The following NT5DC3 variants were observed in gnomAD, a reference collection of about 807,000 sequenced individuals.
NT5DC3 encodes the protein 5'-nucleotidase domain-containing protein 3.
In NT5DC3, 42 loss-of-function variants were observed where a neutral mutation model predicts 67.8. That is an observed-to-expected ratio of 0.62 (90% CI 0.48 to 0.80). NT5DC3 has a LOEUF of 0.80. Among genes scored for constraint, NT5DC3 ranks in the 30% least tolerant of loss-of-function variants. The pLI, the probability that NT5DC3 is intolerant of heterozygous loss-of-function variation, is 0.00. For synonymous variants in NT5DC3, 237 were observed against 255.6 expected, an observed-to-expected ratio of 0.93 and a Z score of 0.69; for missense variants, 570 against 696.4, an observed-to-expected ratio of 0.82 and a Z score of 2.04.
At chr12:103,749,177 G>A in the NT5DC3 span, 8 of 1,581,122 alleles carry the variant, frequency 5.1e-6, no homozygotes, top group African/African-American at 1.3e-5. Flanking sequence ...CTTTCCCAGG[G>A]AAATTTGGGA....
chr12:103,836,149 G>A (rs1888138538), intron 1 of NT5DC3, among the ~76,000 whole-genome samples: 1 of 152,132 alleles, frequency 6.6e-6, no homozygotes, highest in South Asian at 2.1e-4. Context: ...GATCTGGGTG[G>A]GGACACAGAG....
In NT5DC3 at chr12:103,815,090, C is replaced by T. The variant is rs10861107; in HGVS notation, c.240G>A (p.Leu80=). 0.2 allele frequency: 324,419 copies of T among 1,609,230 alleles called. 35,122 individuals carry two copies. Among genetic ancestry groups the T allele is most frequent in the Non-Finnish European group, 0.22 (264,178 of 1,176,924 alleles). Residue 80 remains leucine (L), a synonymous_variant, in exon 2 of 14, where the codon TTG becomes TTA. Transcript: ENST00000392876. ...ELVPSIMSNL[L]NPDAIFSNNE... is the part of the protein sequence containing the mutation. ...TGTTTGAGAAAATGGCATCTGGATT[C>T]AACAAGTTGCTCATAATGGAAGGAA... is the stretch of plus-strand genomic sequence containing the variant.
the NT5DC3 span, among the ~76,000 whole-genome samples, chr12:103,764,317 A>G: frequency 1.3e-5 from 2 of 152,198 alleles, no homozygotes; most frequent in Non-Finnish European, 2.9e-5. Flanking sequence ...TTGTTGTCAG[A>G]GCTGCTGCTT....
chr12:103,785,492 C>T lies in NT5DC3; in HGVS notation c.1189-17G>A, dbSNP rs201060291. ...GGTCAAATCCTGATCACAAAGATCA[C>T]GAAAAGTCAACGTCAGTCTCAACAG... On this transcript the variant is annotated splice_polypyrimidine_tract_variant and intron_variant, in intron 11 of 13. Coordinates refer to ENST00000392876, the MANE Select transcript of NT5DC3 (RefSeq NM_001031701.3). 2.5e-4 allele frequency: 403 copies of T among 1,613,332 alleles called. No individual in the cohort carries two copies. The highest frequency in any genetic ancestry group is 3.3e-4 in the Non-Finnish European group (388 of 1,179,548).
intron 1 of NT5DC3, among the ~76,000 whole-genome samples, chr12:103,834,523 G>C (rs770502219): frequency 1.3e-5 from 2 of 152,062 alleles, no homozygotes; most frequent in South Asian, 4.1e-4. Context: ...AAAAAAAGGA[G>C]GGTAGGTAAA....
At chr12:103,828,696 C>CTTTTTTTTTTTTTTTTTTTTTTTT (rs376961953) in intron 1 of NT5DC3, among the ~76,000 whole-genome samples, 1 of 136,352 alleles carries the variant, frequency 7.3e-6, no homozygotes. Context: ...TTTTTTCTTT[C>CTTTTTTTTTTTTTTTTTTTTTTTT]TTTTTATTTT....
At chr12:103,836,320 G>A (rs143122439) in intron 1 of NT5DC3, among the ~76,000 whole-genome samples, 54 of 152,180 alleles carry the variant, frequency 3.5e-4, no homozygotes, top group African/African-American at 9.6e-4. Flanking sequence ...AGTCCCTTCC[G>A]CCTATGAGCC....
chr12:103,746,506 T>G, the NT5DC3 span: 2 of 1,188,796 alleles, frequency 1.7e-6, no homozygotes, highest in Non-Finnish European at 2.5e-6. Flanking sequence ...AACACAGTGG[T>G]CGTCCAGAGA....
chr12:103,789,322 G>T (rs1885937245), intron 9 of NT5DC3, among the ~76,000 whole-genome samples: 1 of 152,140 alleles, frequency 6.6e-6, no homozygotes, highest in African/African-American at 2.4e-5. Context: ...TACTCAACAG[G>T]CTGAGGCAGG....
the NT5DC3 span, among the ~76,000 whole-genome samples, chr12:103,752,510 G>A: frequency 6.6e-6 from 1 of 152,138 alleles, no homozygotes; most frequent in Non-Finnish European, 1.5e-5. Flanking sequence ...TGAATTGTTT[G>A]GTTAGGAAAG....
chr12:103,840,387 T>TCACCTCACCTCACCTCAC (rs1491140289), intron 1 of NT5DC3, among the ~76,000 whole-genome samples: 1 of 125,478 alleles, frequency 8.0e-6, no homozygotes, highest in African/African-American at 3.7e-5. Context: ...GCTCATCTCA[T>TCACCTCACCTCACCTCAC]CTCATCTCAT....
At chr12:103,792,292 C>A (rs1239726042) in intron 9 of NT5DC3, among the ~76,000 whole-genome samples, 1 of 152,186 alleles carries the variant, frequency 6.6e-6, no homozygotes, top group African/African-American at 2.4e-5. Flanking sequence ...GCCTCTTCTT[C>A]CTGGAGTCAC....
chr12:103,749,841 C>CAAAAAAAAA, the NT5DC3 span, among the ~76,000 whole-genome samples: 476 of 51,178 alleles, frequency 9.3e-3, 69 homozygotes, highest in Non-Finnish European at 0.012. Context: ...CTCTGTCTCA[C>CAAAAAAAAA]AAAAAAAAAA....
chr12:103,777,079 T>TTGCAGAAGGCTC lies in NT5DC3; in HGVS notation c.*738_*749dup, dbSNP rs1380693041. 2 of 152,284 alleles carry TTGCAGAAGGCTC rather than the reference T, an allele frequency of 1.3e-5. No homozygotes were observed. The highest frequency in any genetic ancestry group is 4.8e-5 in the African/African-American group (2 of 41,472). 9.4% of individuals were successfully genotyped at this position (152,284 alleles called of 1,614,324 possible). A position where few individuals can be genotyped will look rare whatever the true frequency, so the allele number is the denominator to read the frequency against. ...TTGGTTCTTCAAACCCACTCGTTTCTTGCAGAAGGCTCTACAGAAGGCTGT... is the reference window on the plus strand; with the variant it reads ...TTGGTTCTTCAAACCCACTCGTTTCTTGCAGAAGGCTCTGCAGAAGGCTCTACAGAAGGCTGT... On this transcript the variant is annotated 3_prime_UTR_variant, in exon 14 of 14. Transcript: ENST00000392876.
intron 11 of NT5DC3, among the ~76,000 whole-genome samples, chr12:103,787,236 ACT>A: frequency 6.6e-6 from 1 of 151,022 alleles, no homozygotes; most frequent in East Asian, 2.0e-4. Flanking sequence ...CTTTTTCACA[ACT>A]CTGATCCATC....
At chr12:103,797,978 G>A (rs988061449) in intron 5 of NT5DC3, among the ~76,000 whole-genome samples, 2 of 152,060 alleles carry the variant, frequency 1.3e-5, no homozygotes, top group African/African-American at 4.8e-5. Context: ...ATAATTTATT[G>A]AATACTGTAA....
intron 1 of NT5DC3, 51 bp downstream of exon 1, chr12:103,840,898 A>G: frequency 8.7e-7 from 1 of 1,154,298 alleles, no homozygotes; most frequent in Non-Finnish European, 1.1e-6. Context: ...TTCCCAGCTG[A>G]GCGCGCAGGA....
chr12:103,792,955 T>C (rs1480086487), intron 9 of NT5DC3, among the ~76,000 whole-genome samples: 1 of 152,232 alleles, frequency 6.6e-6, no homozygotes, highest in African/African-American at 2.4e-5. Context: ...GTAGCTCAAG[T>C]TGAACTGAGA....
chr12:103,799,941 C>T (rs1886495187), intron 4 of NT5DC3, among the ~76,000 whole-genome samples: 1 of 152,162 alleles, frequency 6.6e-6, no homozygotes, highest in Non-Finnish European at 1.5e-5. Flanking sequence ...ACACCTGCTC[C>T]TCCACCCCTC....
Sources: allele counts gnomAD v4.1 joint callset (sites outside exome capture counted in the v4.1 genomes callset), GRCh38; gene constraint gnomAD v4.1.1; transcripts MANE v1.5; gene names NCBI Gene and HGNC (gene_info 2026-07-23, HGNC 2026-07-21).